Variants in SPATA6L observed in about 807,000 individuals in gnomAD.
SPATA6L encodes spermatogenesis associated 6-like protein.
SPATA6L carries 68 observed loss-of-function variants against 49.2 expected under a neutral mutation model. The observed-to-expected ratio is 1.38, with a 90% CI of 1.14 to 1.69. The LOEUF (loss-of-function observed/expected upper bound fraction) is 1.69. Among genes scored for constraint, SPATA6L ranks in the 40% most tolerant of loss-of-function variants. The pLI is 0.00. For synonymous variants in SPATA6L, 198 were observed against 165.7 expected (o/e 1.19, Z -1.50); for missense variants, 668 against 464.3 (o/e 1.44, Z -4.03).
chr9:4,653,959 C>CA (rs1837507268), intron 3 of SPATA6L, among the ~76,000 whole-genome samples: 1 of 152,048 alleles, frequency 6.6e-6, no homozygotes, highest in Non-Finnish European at 1.5e-5. Context: ...AAAATAAAGA[C>CA]AAATGACCCC....
At chr9:4,629,550 C>A (rs376229194) in intron 4 of SPATA6L, among the ~76,000 whole-genome samples, 1 of 151,798 alleles carries the variant, frequency 6.6e-6, no homozygotes, top group African/African-American at 2.4e-5. Flanking sequence ...AACACTGTAC[C>A]ATGGAATTGA....
At chr9:4,606,675 A>G (rs1586975899) in intron 9 of SPATA6L, among the ~76,000 whole-genome samples, 1 of 119,880 alleles carries the variant, frequency 8.3e-6, no homozygotes, top group African/African-American at 3.5e-5. Flanking sequence ...AAAAGTAGAT[A>G]AAACCACAAA....
At chr9:4,624,389 A>AT (rs1564194355) in intron 6 of SPATA6L, among the ~76,000 whole-genome samples, 2 of 152,154 alleles carry the variant, frequency 1.3e-5, no homozygotes, top group East Asian at 3.8e-4. Context: ...CAATGGATAA[A>AT]TTTTTTCTTG....
chr9:4,662,549 C>G lies in SPATA6L; in HGVS notation c.40-513G>C, dbSNP rs753306833. 6.4e-7 allele frequency: 1 copy of G among 1,574,432 alleles called. No individual in the cohort carries two copies. Among genetic ancestry groups the G allele is most frequent in the Admixed American group, 1.8e-5 (1 of 56,206 alleles). On this transcript the variant is annotated intron_variant, in intron 1 of 11. Transcript: ENST00000682582. The surrounding 1 kb of genome is among the most constrained non-coding windows in gnomAD (Gnocchi z 4.9). ...CCGTGGACCCCACCTGCGCCCGGCTCCGTGCATCGGAGAGCCCAGTTCACC... is the reference window on the plus strand; with the variant it reads ...CCGTGGACCCCACCTGCGCCCGGCTGCGTGCATCGGAGAGCCCAGTTCACC...
Position 4,600,508 on chromosome 9 carries a change from G to GAGAGAGAGAGAGAGAGA in SPATA6L, c.*302_*303insTCTCTCTCTCTCTCTCT, listed in dbSNP as rs1554697389. 3 of 34,794 alleles carry GAGAGAGAGAGAGAGAGA rather than the reference G, an allele frequency of 8.6e-5. No homozygotes were observed. The highest frequency in any genetic ancestry group is 3.3e-4 in the Non-Finnish European group (3 of 8,984). 2.2% of individuals were successfully genotyped at this position (34,794 alleles called of 1,614,324 possible). A position where few individuals can be genotyped will look rare whatever the true frequency, so the allele number is the denominator to read the frequency against. On this transcript the variant is annotated 3_prime_UTR_variant, in exon 12 of 12. Coordinates refer to ENST00000682582, the MANE Select transcript of SPATA6L (RefSeq NM_001353486.2). ...CAGAGAGAGCCAGAGAGAGAGAGAG[G>GAGAGAGAGAGAGAGAGA]GGAAGTGTTCAGATAAGCACCTGCC...
At chr9:4,635,572 T>A (rs1295193604) in intron 3 of SPATA6L, among the ~76,000 whole-genome samples, 173 bp from the exon 4 acceptor site, 1 of 152,180 alleles carries the variant, frequency 6.6e-6, no homozygotes, top group Non-Finnish European at 1.5e-5. Context: ...ATCTCGTGGA[T>A]AATTTTTTAA....
chr9:4,610,154 A>C (rs913189460), intron 9 of SPATA6L, among the ~76,000 whole-genome samples: 18 of 152,154 alleles, frequency 1.2e-4, no homozygotes, highest in African/African-American at 3.9e-4. Context: ...AGAGGATACA[A>C]ACAAATGGAA....
intron 4 of SPATA6L, among the ~76,000 whole-genome samples, chr9:4,630,486 C>A (rs532611186): frequency 3.3e-5 from 5 of 152,308 alleles, no homozygotes; most frequent in East Asian, 1.9e-4. Context: ...CTGCTCTACT[C>A]TCCCCCAGAG....
intron 6 of SPATA6L, among the ~76,000 whole-genome samples, chr9:4,623,054 T>C (rs1265336485): frequency 6.6e-6 from 1 of 151,840 alleles, no homozygotes; most frequent in Non-Finnish European, 1.5e-5. Context: ...CCGAGGAGGG[T>C]GGATCACCTG....
intron 4 of SPATA6L, among the ~76,000 whole-genome samples, chr9:4,634,495 G>A (rs1832357789): frequency 6.6e-6 from 1 of 152,106 alleles, no homozygotes; most frequent in African/African-American, 2.4e-5. Context: ...TAGAAACAGA[G>A]GTCCTGACTG....
chr9:4,616,063 G>C (rs1181496591), intron 9 of SPATA6L, among the ~76,000 whole-genome samples: 1 of 152,144 alleles, frequency 6.6e-6, no homozygotes, highest in East Asian at 1.9e-4. Flanking sequence ...CTTGAGCCCA[G>C]GAGTTTGAGA....
chr9:4,617,997 G>C lies in SPATA6L; in HGVS notation c.921C>G (p.His307Gln), dbSNP rs193250993. 6.2e-7 allele frequency: 1 copy of C among 1,614,062 alleles called. No individual in the cohort carries two copies. Among genetic ancestry groups the C allele is most frequent in the Non-Finnish European group, 8.5e-7 (1 of 1,180,004 alleles). The change falls in exon 9 of 12, where the codon CAC becomes CAG. Residue 307 changes from histidine (H) to glutamine (Q), a missense_variant. Coordinates refer to ENST00000682582, the MANE Select transcript of SPATA6L (RefSeq NM_001353486.2). The part of the protein sequence containing the change: ...SSSKQGDADF[H>Q]GKASFATYQH... The stretch of plus-strand genomic sequence containing the variant: ...GGTAGGTGGCAAATGAAGCTTTCCC[G>C]TGGAAATCAGCATCCCCTTGTTTAC...
chr9:4,639,101 G>C (rs1410377275), intron 3 of SPATA6L, among the ~76,000 whole-genome samples: 1 of 152,134 alleles, frequency 6.6e-6, no homozygotes. Context: ...CTACTGTAAA[G>C]ACGAATGACA....
chr9:4,595,508 G>A (rs1225424104), downstream of SPATA6L, among the ~76,000 whole-genome samples: 1 of 152,126 alleles, frequency 6.6e-6, no homozygotes, highest in East Asian at 1.9e-4. Context: ...ATTGTCTACA[G>A]CACAAGTTGA....
At chr9:4,654,819 G>C (rs961923091) in intron 3 of SPATA6L, among the ~76,000 whole-genome samples, 9 of 152,126 alleles carry the variant, frequency 5.9e-5, no homozygotes, top group African/African-American at 2.2e-4. Flanking sequence ...TACAGGCACA[G>C]GATGGGGGCA....
intron 3 of SPATA6L, among the ~76,000 whole-genome samples, chr9:4,636,830 C>T (rs1832901945): frequency 6.6e-6 from 1 of 152,172 alleles, no homozygotes; most frequent in Non-Finnish European, 1.5e-5. Flanking sequence ...TTTCTTCCCA[C>T]TCGTGTGCTC....
chr9:4,642,175 G>A (rs1301169519), intron 3 of SPATA6L, among the ~76,000 whole-genome samples: 2 of 152,018 alleles, frequency 1.3e-5, no homozygotes, highest in Non-Finnish European at 1.5e-5. Context: ...GATTACTTAG[G>A]TATTGAGTAA....
chr9:4,605,958 C>T (rs538296168), intron 9 of SPATA6L, among the ~76,000 whole-genome samples: 73 of 152,200 alleles, frequency 4.8e-4, no homozygotes, highest in African/African-American at 1.6e-3. Flanking sequence ...GTGCGCGCAC[C>T]GTGCGCGAGC....
At chr9:4,594,881 A>G (rs1226078084), downstream of SPATA6L, among the ~76,000 whole-genome samples, 1 of 152,240 alleles carries the variant, frequency 6.6e-6, no homozygotes, top group Non-Finnish European at 1.5e-5. Flanking sequence ...GATTAAAAAA[A>G]TACTAAACAA....
Sources: allele counts gnomAD v4.1 joint callset (sites outside exome capture counted in the v4.1 genomes callset), GRCh38; gene constraint gnomAD v4.1.1; non-coding constraint Gnocchi (gnomAD v3.1); transcripts MANE v1.5; gene names NCBI Gene and HGNC (gene_info 2026-07-23, HGNC 2026-07-21).